Variants in SHANK2 observed in about 807,000 individuals in gnomAD.
SHANK2 encodes the protein SH3 and multiple ankyrin repeat domains 2, also known as SH3 and multiple ankyrin repeat domains protein 2.
Under a neutral mutation model 133.7 loss-of-function variants are expected in SHANK2, and 43 were observed. That is an observed-to-expected ratio of 0.32 (90% CI 0.25 to 0.41). The LOEUF is 0.41. Ranked by LOEUF, SHANK2 falls within the 10% of genes least tolerant of loss-of-function variation. The pLI is 1.00. For missense variants in SHANK2, 1,994 were observed against 2,235.8 expected, an observed-to-expected ratio of 0.89 and a Z score of 2.18; for synonymous variants, 1,017 against 952.8, an observed-to-expected ratio of 1.07 and a Z score of -1.24.
chr11:70,504,409 C>T (rs915604661), intron 17 of SHANK2, among the ~76,000 whole-genome samples: 12 of 152,226 alleles, frequency 7.9e-5, no homozygotes, highest in Admixed American at 1.3e-4. Context: ...ACCTACGAGA[C>T]GGCTGCAGAG....
At chr11:70,939,363 A>C (rs1313133843) in intron 10 of SHANK2, among the ~76,000 whole-genome samples, 6 of 152,158 alleles carry the variant, frequency 3.9e-5, no homozygotes, top group African/African-American at 1.4e-4. Context: ...CTGTAGTCCC[A>C]GCTACTCGGG....
chr11:70,549,093 G>C (rs1213991767), intron 17 of SHANK2, among the ~76,000 whole-genome samples: 1 of 152,152 alleles, frequency 6.6e-6, no homozygotes, highest in Non-Finnish European at 1.5e-5. Flanking sequence ...TCTGTGGGAC[G>C]CTGTGACAGC....
chr11:70,724,876 C>T (rs1235657003), intron 14 of SHANK2, among the ~76,000 whole-genome samples: 1 of 152,200 alleles, frequency 6.6e-6, no homozygotes, highest in African/African-American at 2.4e-5. Flanking sequence ...GAAGAAGCAA[C>T]TTGCAGCTGA....
intron 14 of SHANK2, among the ~76,000 whole-genome samples, chr11:70,791,965 A>G (rs1012808513): frequency 2.6e-5 from 4 of 152,224 alleles, no homozygotes; most frequent in Non-Finnish European, 1.5e-5. Context: ...TGCAGCCTTA[A>G]GAAATTACAA....
At chr11:71,098,243 A>C (rs2135148163) in intron 6 of SHANK2, among the ~76,000 whole-genome samples, 1 of 136,922 alleles carries the variant, frequency 7.3e-6, no homozygotes, top group East Asian at 2.3e-4. Flanking sequence ...GCCTGTGTGC[A>C]TGTGCATGCC....
chr11:70,938,341 C>G (rs1163405179), intron 10 of SHANK2, among the ~76,000 whole-genome samples: 4 of 152,074 alleles, frequency 2.6e-5, no homozygotes, highest in Non-Finnish European at 1.5e-5. Flanking sequence ...GAAGGTAGAA[C>G]CACTTCATGA....
chr11:70,782,219 C>G (rs1947514389), intron 14 of SHANK2, among the ~76,000 whole-genome samples: 1 of 152,204 alleles, frequency 6.6e-6, no homozygotes, highest in Admixed American at 6.5e-5. Flanking sequence ...TGCCCGCTAC[C>G]AAGCCTGGCT....
Position 71,188,954 on chromosome 11 carries a change from C to T in SHANK2, c.-13+35743G>A, listed in dbSNP as rs782576213. Among the ~76,000 whole-genome samples the T allele has an allele frequency of 6.6e-6, 1 of 152,200 alleles. No homozygotes were observed. The highest frequency in any genetic ancestry group is 1.9e-4 in the East Asian group (1 of 5,194). The stretch of plus-strand genomic sequence containing the variant: ...AGCGGGCCCCAGCTCCACGGCCCCC[C>T]ACTCCCACCTAGATGGAGTCCCAGG... On this transcript the variant is annotated intron_variant, in intron 2 of 25. Coordinates refer to ENST00000601538, the MANE Select transcript of SHANK2 (RefSeq NM_012309.5). This position sits in a 1 kb window ranked among gnomAD's most constrained non-coding sequence, Gnocchi z 4.6.
chr11:70,816,259 A>G (rs949882431), intron 12 of SHANK2, among the ~76,000 whole-genome samples: 3 of 152,246 alleles, frequency 2.0e-5, no homozygotes, highest in African/African-American at 7.2e-5. Context: ...CACAGGAGAA[A>G]ACAGAGGCAC....
At chr11:71,204,614 C>A (rs1555117717) in intron 2 of SHANK2, among the ~76,000 whole-genome samples, 1 of 152,184 alleles carries the variant, frequency 6.6e-6, no homozygotes, top group African/African-American at 2.4e-5. Context: ...CGCCCTTGCA[C>A]TTTAGGGGAA....
intron 1 of SHANK2, among the ~76,000 whole-genome samples, chr11:71,243,689 T>C (rs1207429584): frequency 6.6e-6 from 1 of 152,054 alleles, no homozygotes; most frequent in Non-Finnish European, 1.5e-5. Flanking sequence ...AGCAAGACTC[T>C]GTCTCAAAAA....
At chr11:70,519,569 C>A (rs1322886796) in intron 17 of SHANK2, among the ~76,000 whole-genome samples, 1 of 152,018 alleles carries the variant, frequency 6.6e-6, no homozygotes, top group African/African-American at 2.4e-5. Context: ...ATCGCTTGAA[C>A]CCAGGAGGCG....
chr11:71,250,141 A>G (rs950236797), intron 1 of SHANK2, among the ~76,000 whole-genome samples: 3 of 151,894 alleles, frequency 2.0e-5, no homozygotes, highest in Non-Finnish European at 4.4e-5. Flanking sequence ...GGGGAATCTA[A>G]TTTGTTAAAA....
chr11:71,076,510 C>CAAAAAAA (rs1951222122), intron 8 of SHANK2, among the ~76,000 whole-genome samples: 1 of 148,136 alleles, frequency 6.8e-6, no homozygotes. Context: ...AAAAAAAAAA[C>CAAAAAAA]AAACAAAAAC....
chr11:70,854,989 GT>G (rs1297290764), intron 11 of SHANK2, among the ~76,000 whole-genome samples: 5 of 152,228 alleles, frequency 3.3e-5, no homozygotes, highest in African/African-American at 9.6e-5. Flanking sequence ...ACCCCCAGAT[GT>G]TCATGACTGT....
intron 14 of SHANK2, among the ~76,000 whole-genome samples, chr11:70,771,856 T>C (rs184310647): frequency 7.9e-5 from 12 of 152,326 alleles, no homozygotes; most frequent in Admixed American, 2.0e-4. Flanking sequence ...CTCCAGAATC[T>C]GCCCCTGGTC....
chr11:71,131,876 A>G lies in SHANK2; in HGVS notation c.208-12844T>C, dbSNP rs538911688. Among the ~76,000 whole-genome samples, 6 of 152,324 alleles carry G rather than the reference A, an allele frequency of 3.9e-5. No individual in the cohort carries two copies. In the South Asian group the frequency reaches 1.0e-3, roughly 26 times the overall value. On this transcript the variant is annotated intron_variant, in intron 3 of 25. Transcript: ENST00000601538. ...TTCCTTATGTTCTCCGGGAGGCCGC[A>G]TTAGCACCCCCAGGCCCAAAGAGGA...
At chr11:71,108,317 G>A (rs781967743) in intron 6 of SHANK2, among the ~76,000 whole-genome samples, 16 of 152,130 alleles carry the variant, frequency 1.1e-4, no homozygotes, top group Non-Finnish European at 1.6e-4. Context: ...GCCTCCTACA[G>A]ACGTACACGC....
intron 10 of SHANK2, among the ~76,000 whole-genome samples, chr11:70,924,657 A>G (rs1950401741): frequency 1.3e-5 from 2 of 151,964 alleles, no homozygotes; most frequent in South Asian, 4.1e-4. Context: ...GCGTTTCGCC[A>G]TGTTGGCCAG....
Sources: allele counts gnomAD v4.1 joint callset (sites outside exome capture counted in the v4.1 genomes callset), GRCh38; gene constraint gnomAD v4.1.1; non-coding constraint Gnocchi (gnomAD v3.1); transcripts MANE v1.5; gene names NCBI Gene and HGNC (gene_info 2026-07-23, HGNC 2026-07-21).